Variants in KCNJ10 observed in about 807,000 individuals in gnomAD.
KCNJ10 encodes the protein potassium inwardly rectifying channel subfamily J member 10.
Under a neutral mutation model 22.2 loss-of-function variants are expected in KCNJ10, and 9 were observed. That is an observed-to-expected ratio of 0.40 (90% confidence interval 0.24 to 0.71). The LOEUF is 0.71. Among genes scored for constraint, KCNJ10 ranks in the 30% least tolerant of loss-of-function variants. The pLI, the probability that KCNJ10 is intolerant of heterozygous loss-of-function variation, is 0.35. For missense variants in KCNJ10, 337 were observed against 482.7 expected, an observed-to-expected ratio of 0.70 and a Z score of 2.83; for synonymous variants, 184 against 187.3, an observed-to-expected ratio of 0.98 and a Z score of 0.15.
intron 1 of KCNJ10, among the ~76,000 whole-genome samples, chr1:160,068,897 T>A (rs1254679511): frequency 1.3e-5 from 2 of 151,884 alleles, no homozygotes; most frequent in Non-Finnish European, 2.9e-5. Context: ...CAAGGCCATC[T>A]CTCACATGGG....
chr1:160,041,952 G>T lies in KCNJ10; in HGVS notation c.581C>A (p.Pro194His), dbSNP rs137853073. The T allele has an allele frequency of 1.2e-6, 2 of 1,609,322 alleles. No individual in the cohort carries two copies. The highest frequency in any genetic ancestry group is 1.7e-6 in the Non-Finnish European group (2 of 1,176,702). ...ATTGGCAACTCGGATCATGAGGCAG[G>T]GCTTGCCATTGTGGGAGGCCACAAC... ...HAVVASHNGK[P>H]CLMIRVANMR... The change falls in exon 2 of 2, where the codon CCC (proline) becomes CAC (histidine). Residue 194 changes from proline to histidine, a missense_variant. By Grantham distance (77) the Pro-to-His change is moderately conservative. Coordinates refer to ENST00000644903, the MANE Select transcript of KCNJ10 (RefSeq NM_002241.5). This position sits in a 1 kb window ranked among gnomAD's most constrained non-coding sequence, Gnocchi z 4.4.
rs570431596 is a variant in KCNJ10 at position 160,042,649 on chromosome 1, T to G, written c.1-117A>C. On this transcript the variant is annotated intron_variant, in intron 1 of 1. Transcript: ENST00000644903. ...TTTGAATGTCGCTTATGTGTTCTTG[T>G]CTTACCAAATATTTATTGAGCACTT... The G allele has an allele frequency of 8.2e-6, 8 of 970,478 alleles. No homozygotes were observed. The East Asian group carries it at 1.3e-4, about 15-fold the overall frequency. 60.1% of individuals were successfully genotyped at this position (970,478 alleles called of 1,614,324 possible).
chr1:160,063,033 T>C (rs1055380865), intron 1 of KCNJ10, among the ~76,000 whole-genome samples: 2 of 152,140 alleles, frequency 1.3e-5, no homozygotes, highest in Non-Finnish European at 2.9e-5. Flanking sequence ...TCAGGGGAAT[T>C]TGACTGAAGG....
At position 160,037,524 on chromosome 1, in the gene KCNJ10, A is replaced by G; in HGVS notation, c.*3869T>C. The G allele has an allele frequency of 6.6e-6, 1 of 152,238 alleles. No homozygotes were observed. The highest frequency in any genetic ancestry group is 3.2e-3 in the Middle Eastern group (1 of 316). 9.4% of individuals were successfully genotyped at this position (152,238 alleles called of 1,614,324 possible). On this transcript the variant is annotated 3_prime_UTR_variant, in exon 2 of 2. Transcript: ENST00000644903. The stretch of plus-strand genomic sequence containing the variant: ...AGCTTATTTTTAACAGACAAAAACA[A>G]AACAAATCTTACACACCTTTTTTTT...
chr1:160,062,992 G>T (rs966736452), intron 1 of KCNJ10, among the ~76,000 whole-genome samples: 2 of 152,164 alleles, frequency 1.3e-5, no homozygotes, highest in Non-Finnish European at 2.9e-5. Flanking sequence ...AATTCAACCT[G>T]AACTAGTGAA....
Position 160,059,576 on chromosome 1 carries a change from C to T in KCNJ10, c.-1+10446G>A, listed in dbSNP as rs568488493. Among the ~76,000 whole-genome samples the T allele has an allele frequency of 1.1e-4, 16 of 152,320 alleles. No individual in the cohort carries two copies. The South Asian group carries it at 3.3e-3, about 32-fold the overall frequency. On this transcript the variant is annotated intron_variant, in intron 1 of 1. Coordinates refer to ENST00000644903, the MANE Select transcript of KCNJ10 (RefSeq NM_002241.5). ...AGCCCATTATCTTCAATCTGGGCCT[C>T]CCACCTAGTAGGTCTCAGGGTCTCC...
intron 1 of KCNJ10, among the ~76,000 whole-genome samples, chr1:160,059,660 G>C (rs142635862): frequency 6.6e-6 from 1 of 152,282 alleles, no homozygotes; most frequent in African/African-American, 2.4e-5. Flanking sequence ...AAATAGTGAG[G>C]TCCACGAGGA....
chr1:160,061,727 C>T (rs1005602147), intron 1 of KCNJ10, among the ~76,000 whole-genome samples: 12 of 93,304 alleles, frequency 1.3e-4, no homozygotes, highest in Admixed American at 2.9e-4. Flanking sequence ...GAGATGCCTG[C>T]GGCCGTGGAG....
intron 1 of KCNJ10, among the ~76,000 whole-genome samples, chr1:160,048,214 C>T (rs535169807): frequency 9.4e-4 from 23 of 24,484 alleles, no homozygotes; most frequent in Non-Finnish European, 1.6e-3. Flanking sequence ...AAAGCCTGAT[C>T]TGGACGGGCC....
At chr1:160,046,754 CA>C (rs1557969408) in intron 1 of KCNJ10, among the ~76,000 whole-genome samples, 3 of 152,306 alleles carry the variant, frequency 2.0e-5, no homozygotes, top group Admixed American at 6.5e-5. Context: ...CACTCCACCC[CA>C]AAGCTGGCCA....
intron 1 of KCNJ10, among the ~76,000 whole-genome samples, chr1:160,056,171 C>T (rs1033994982): frequency 7.9e-5 from 12 of 152,144 alleles, no homozygotes; most frequent in African/African-American, 2.9e-4. Flanking sequence ...TGAAGTGTTG[C>T]AATGGTCTCC....
Position 160,041,256 on chromosome 1 carries a change from C to G in KCNJ10, c.*137G>C. ...GACTCCAGTTGGCCTAAGCTACCAA[C>G]AGGCCACTGGGTTAAAGAAGAGGGA... On this transcript the variant is annotated 3_prime_UTR_variant, in exon 2 of 2. Transcript: ENST00000644903. The surrounding 1 kb of genome is among the most constrained non-coding windows in gnomAD (Gnocchi z 4.4). 1 of 890,404 alleles carries G rather than the reference C, an allele frequency of 1.1e-6. No individual in the cohort carries two copies. The highest frequency in any genetic ancestry group is 1.8e-6 in the Non-Finnish European group (1 of 566,742). 55.2% of individuals were successfully genotyped at this position (890,404 alleles called of 1,614,324 possible).
intron 1 of KCNJ10, among the ~76,000 whole-genome samples, chr1:160,053,957 G>A (rs553058617): frequency 6.6e-6 from 1 of 152,230 alleles, no homozygotes; most frequent in South Asian, 2.1e-4. Flanking sequence ...CACCACCCCT[G>A]CCTGTCAATG....
At chr1:160,045,720 A>C (rs996974613) in intron 1 of KCNJ10, among the ~76,000 whole-genome samples, 13 of 152,212 alleles carry the variant, frequency 8.5e-5, no homozygotes, top group Non-Finnish European at 1.3e-4. Context: ...AGGATATGAG[A>C]GGATTCAGAA....
At chr1:160,067,745 G>T (rs997814328) in intron 1 of KCNJ10, among the ~76,000 whole-genome samples, 2 of 152,168 alleles carry the variant, frequency 1.3e-5, no homozygotes, top group Non-Finnish European at 2.9e-5. Flanking sequence ...ATGCCAGGAG[G>T]CTCGGCCTAT....
rs183684190 is a variant in KCNJ10 at position 160,059,009 on chromosome 1, C to T, written c.-1+11013G>A. On this transcript the variant is annotated intron_variant, in intron 1 of 1. Transcript: ENST00000644903. ...GTGTTCCCACAGTACCATGAACTTC[C>T]TACCTCAGGCTTTACGGTGCGCCAG... Among the ~76,000 whole-genome samples the T allele has an allele frequency of 1.1e-4, 16 of 152,284 alleles. No homozygotes were observed. The East Asian group carries it at 3.1e-3, about 29-fold the overall frequency.
intron 1 of KCNJ10, among the ~76,000 whole-genome samples, chr1:160,055,660 T>C (rs1450466113): frequency 6.6e-6 from 1 of 152,182 alleles, no homozygotes. Flanking sequence ...GAACACTGCA[T>C]GGGTTGTGAA....
chr1:160,061,818 G>C (rs1172844639), intron 1 of KCNJ10, among the ~76,000 whole-genome samples: 13 of 151,822 alleles, frequency 8.6e-5, no homozygotes, highest in Admixed American at 8.5e-4. Context: ...TGTTGTGGAC[G>C]TGCGATCTGT....
At chr1:160,067,184 C>T (rs984159673) in intron 1 of KCNJ10, among the ~76,000 whole-genome samples, 1 of 152,158 alleles carries the variant, frequency 6.6e-6, no homozygotes, top group Non-Finnish European at 1.5e-5. Context: ...CTTCCCCCAC[C>T]ACCTCAAATC....
Sources: allele counts gnomAD v4.1 joint callset (sites outside exome capture counted in the v4.1 genomes callset), GRCh38; gene constraint gnomAD v4.1.1; non-coding constraint Gnocchi (gnomAD v3.1); transcripts MANE v1.5; gene names NCBI Gene and HGNC (gene_info 2026-07-23, HGNC 2026-07-21).